RBFOX2: variants seen among roughly 807,000 people sequenced by gnomAD.
The protein encoded by RBFOX2 is RNA binding protein fox-1 homolog 2.
RBFOX2 carries 10 observed loss-of-function variants against 49.1 expected under a neutral mutation model. The ratio of observed to expected loss-of-function variants is 0.20; its 90% confidence interval spans 0.13 to 0.35. RBFOX2 has a LOEUF of 0.35. Among genes scored for constraint, RBFOX2 ranks in the 10% least tolerant of loss-of-function variants. The pLI is 1.00. For synonymous variants in RBFOX2, 183 were observed against 187.4 expected (o/e 0.98, Z 0.19); for missense variants, 323 against 486.9 (o/e 0.66, Z 3.17).
chr22:35,920,158 A>G (rs937446256), intron 1 of RBFOX2, among the ~76,000 whole-genome samples: 2 of 152,378 alleles, frequency 1.3e-5, no homozygotes, highest in East Asian at 3.8e-4. Context: ...TTTAAATGTC[A>G]CTGTCAGTTT....
At chr22:35,850,784 C>A (rs1290433716) in intron 1 of RBFOX2, among the ~76,000 whole-genome samples, 1 of 152,128 alleles carries the variant, frequency 6.6e-6, no homozygotes, top group Non-Finnish European at 1.5e-5. Context: ...CATCAAAAAT[C>A]AGAAAACTGC....
intron 1 of RBFOX2, among the ~76,000 whole-genome samples, chr22:35,883,864 T>C (rs1271028750): frequency 2.0e-5 from 3 of 152,134 alleles, no homozygotes; most frequent in Non-Finnish European, 4.4e-5. Flanking sequence ...AGTCCCATTT[T>C]TATAATGTGT....
intron 2 of RBFOX2, among the ~76,000 whole-genome samples, chr22:35,785,167 A>G (rs1177235822): frequency 6.6e-6 from 1 of 151,992 alleles, no homozygotes; most frequent in Non-Finnish European, 1.5e-5. Context: ...CCGGCTGAAT[A>G]TGCATTTTTA....
chr22:35,852,898 G>A (rs1304429934), intron 1 of RBFOX2, among the ~76,000 whole-genome samples: 1 of 152,152 alleles, frequency 6.6e-6, no homozygotes, highest in East Asian at 1.9e-4. Flanking sequence ...GCATGAAAGT[G>A]ATCCCCAAAT....
At chr22:35,915,785 A>G (rs974299908) in intron 1 of RBFOX2, among the ~76,000 whole-genome samples, 2 of 152,154 alleles carry the variant, frequency 1.3e-5, no homozygotes, top group African/African-American at 4.8e-5. Context: ...ACCCTCTCCC[A>G]GGCCCACCCT....
Position 35,897,599 on chromosome 22 carries a change from T to G in RBFOX2, c.-34+41248A>C, listed in dbSNP as rs563595375. 1.3e-4 allele frequency: 149 copies of G among 1,123,880 alleles called. 1 individual carries two copies. The South Asian group carries it at 1.8e-3, about 14-fold the overall frequency. 69.6% of individuals were successfully genotyped at this position (1,123,880 alleles called of 1,614,324 possible). A position where few individuals can be genotyped will look rare whatever the true frequency, so the allele number is the denominator to read the frequency against. ...ACCAGGTCAAAGAGGAGATATCGAT[T>G]TGGCCCAACGAAAGCAAAGGTTTTC... On this transcript the variant is annotated intron_variant, in intron 1 of 13. Coordinates refer to the RBFOX2 transcript ENST00000359369.
At chr22:35,921,880 T>C (rs1175412464) in intron 1 of RBFOX2, among the ~76,000 whole-genome samples, 2 of 152,214 alleles carry the variant, frequency 1.3e-5, no homozygotes, top group Non-Finnish European at 2.9e-5. Flanking sequence ...CACAGAACAC[T>C]TGCTTTGCTC....
At chr22:35,933,896 CGTAA>C (rs1236907360) in intron 1 of RBFOX2, among the ~76,000 whole-genome samples, 1 of 141,524 alleles carries the variant, frequency 7.1e-6, no homozygotes, top group Non-Finnish European at 1.5e-5. Context: ...TTATAGAAGT[CGTAA>C]GTTCTTATAA....
Position 35,749,106 on chromosome 22 carries a change from T to A in RBFOX2, c.888-2545A>T, listed in dbSNP as rs1933906910. The stretch of plus-strand genomic sequence containing the variant: ...ATGGATCAGACTATGGAAAAGAATC[T>A]TCCTTCCAATCCAGAAGGAGATGGA... On this transcript the variant is annotated intron_variant, in intron 9 of 11. Transcript: ENST00000405409. This position sits in a 1 kb window ranked among gnomAD's most constrained non-coding sequence, Gnocchi z 4.1. 6.6e-6 allele frequency among the ~76,000 whole-genome samples: 1 copy of A among 152,226 alleles called. No homozygotes were observed. Among genetic ancestry groups the A allele is most frequent in the East Asian group, 1.9e-4 (1 of 5,196 alleles).
intron 1 of RBFOX2, chr22:35,898,483 T>A (rs923351787): frequency 2.7e-6 from 1 of 366,060 alleles, no homozygotes. Flanking sequence ...TGCAGTGCAG[T>A]GGCGTGATCT....
chr22:35,795,473 G>A (rs533596269), intron 2 of RBFOX2, among the ~76,000 whole-genome samples: 131 of 152,086 alleles, frequency 8.6e-4, no homozygotes, highest in Non-Finnish European at 1.3e-3. Context: ...CCACTGTTAA[G>A]GGCTATACCT....
At chr22:36,018,481 T>C (rs1053796478) in intron 1 of RBFOX2, among the ~76,000 whole-genome samples, 2 of 152,178 alleles carry the variant, frequency 1.3e-5, no homozygotes, top group Non-Finnish European at 2.9e-5. Flanking sequence ...CCACTGGACA[T>C]GGACTTGGAG....
chr22:35,777,900 G>C, intron 4 of RBFOX2, 125 bp downstream of exon 5: 1 of 958,934 alleles, frequency 1.0e-6, no homozygotes, highest in Non-Finnish European at 1.5e-6. Context: ...TCTAAACCAA[G>C]GTGGATAATT....
At chr22:35,919,271 C>T (rs559665883) in intron 1 of RBFOX2, among the ~76,000 whole-genome samples, 1 of 152,348 alleles carries the variant, frequency 6.6e-6, no homozygotes, top group East Asian at 1.9e-4. Context: ...GGAGCAGTGG[C>T]TCACGCCTGT....
chr22:35,895,031 T>A (rs571988488), intron 1 of RBFOX2, among the ~76,000 whole-genome samples: 2 of 150,816 alleles, frequency 1.3e-5, no homozygotes, highest in East Asian at 3.9e-4. Context: ...TCCAGCTGAC[T>A]GTTCTGTTGT....
rs187079146 is a variant in RBFOX2 at position 35,777,081 on chromosome 22, G to T, written c.453+944C>A. ...GGCTGGAGTGCAGTGGCGCAATCTCGGCTCACTGTAACCTCTGCCTCCTGG... is the reference window on the plus strand; with the variant it reads ...GGCTGGAGTGCAGTGGCGCAATCTCTGCTCACTGTAACCTCTGCCTCCTGG... On this transcript the variant is annotated intron_variant, in intron 4 of 11. Coordinates refer to ENST00000405409, the Ensembl canonical transcript of RBFOX2. 4.5e-4 allele frequency among the ~76,000 whole-genome samples: 68 copies of T among 150,418 alleles called. No homozygotes were observed. The East Asian group carries it at 0.011, about 25-fold the overall frequency.
intron 1 of RBFOX2, among the ~76,000 whole-genome samples, chr22:35,831,998 T>G (rs1296238835): frequency 6.6e-6 from 1 of 152,186 alleles, no homozygotes; most frequent in Admixed American, 6.5e-5. Flanking sequence ...TTTATTCTTT[T>G]TAGGAGTTCA....
intron 2 of RBFOX2, among the ~76,000 whole-genome samples, chr22:35,785,380 C>T (rs1292924673): frequency 1.3e-5 from 2 of 152,134 alleles, no homozygotes; most frequent in East Asian, 1.9e-4. Flanking sequence ...ATGCCAAACC[C>T]GATGGCTTGC....
At chr22:35,869,253 G>A (rs2044051589) in intron 1 of RBFOX2, among the ~76,000 whole-genome samples, 1 of 151,902 alleles carries the variant, frequency 6.6e-6, no homozygotes, top group Admixed American at 6.6e-5. Context: ...CTGCTTCCTG[G>A]GTTCAAGCGA....
Sources: gnomAD v4.1 joint callset for allele counts (sites outside exome capture counted in the v4.1 genomes callset) on GRCh38, gnomAD v4.1.1 for gene constraint, Gnocchi (gnomAD v3.1) non-coding constraint, MANE v1.5 for transcripts, NCBI Gene and HGNC (gene_info 2026-07-23, HGNC 2026-07-21) for gene names.